The following PAPPA2 variants were observed in gnomAD, a reference collection of about 807,000 sequenced individuals.
PAPPA2 encodes the protein pappalysin-2.
In PAPPA2, 86 loss-of-function variants were observed where a neutral mutation model predicts 176.4. The ratio of observed to expected loss-of-function variants is 0.49; its 90% CI spans 0.41 to 0.58. PAPPA2 has a LOEUF of 0.58. Ranked by LOEUF, PAPPA2 falls within the 20% of genes least tolerant of loss-of-function variation. The pLI is 0.00. For missense variants in PAPPA2, 2,073 were observed against 2,256.9 expected, an observed-to-expected ratio of 0.92 and a Z score of 1.65; for synonymous variants, 809 against 852.2, an observed-to-expected ratio of 0.95 and a Z score of 0.88.
chr1:176,540,697 G>A (rs910331570), intron 1 of PAPPA2, among the ~76,000 whole-genome samples: 8 of 152,294 alleles, frequency 5.3e-5, no homozygotes, highest in African/African-American at 1.9e-4. Context: ...AAAATGTTGA[G>A]TTGAGATGTC....
chr1:176,721,583 A>C (rs1018594459), intron 12 of PAPPA2, among the ~76,000 whole-genome samples: 5 of 152,174 alleles, frequency 3.3e-5, no homozygotes, highest in South Asian at 2.1e-4. Flanking sequence ...TATCCTTTGG[A>C]AGATGTTATC....
At chr1:176,749,368 A>T (rs1026007112) in intron 14 of PAPPA2, among the ~76,000 whole-genome samples, 1 of 152,162 alleles carries the variant, frequency 6.6e-6, no homozygotes, top group Admixed American at 6.5e-5. Flanking sequence ...GATCCCACCC[A>T]TGCCTAGCCA....
At chr1:176,666,569 G>A (rs1029500707) in intron 3 of PAPPA2, among the ~76,000 whole-genome samples, 1,913 of 64,022 alleles carry the variant, frequency 0.03, 51 homozygotes, top group African/African-American at 0.17. Context: ...ATATGTGTGT[G>A]TGTGTGTGTG....
Position 176,845,038 on chromosome 1 carries a change from T to C in PAPPA2, c.*2584T>C, listed in dbSNP as rs1667617317. ...ATAGCTATTCAGAGACAGCAGGTTC[T>C]TCCAGTCTTTGTTCCTGGGACCTGA... is the stretch of plus-strand genomic sequence containing the variant. On this transcript the variant is annotated 3_prime_UTR_variant, in exon 23 of 23. Transcript: ENST00000367662. The C allele has an allele frequency of 6.6e-6, 1 of 152,212 alleles. No individual in the cohort carries two copies. Among genetic ancestry groups the C allele is most frequent in the East Asian group, 1.9e-4 (1 of 5,190 alleles). 9.4% of individuals were successfully genotyped at this position (152,212 alleles called of 1,614,324 possible).
At chr1:176,560,843 C>G (rs1651624662) in intron 2 of PAPPA2, among the ~76,000 whole-genome samples, 1 of 152,182 alleles carries the variant, frequency 6.6e-6, no homozygotes, top group South Asian at 2.1e-4. Context: ...TGAAGTTGCC[C>G]AGCTGAGTAA....
intron 2 of PAPPA2, among the ~76,000 whole-genome samples, chr1:176,568,741 T>C (rs1652134479): frequency 6.6e-6 from 1 of 152,236 alleles, no homozygotes; most frequent in Non-Finnish European, 1.5e-5. Context: ...TCCTGTCTGG[T>C]TGGCCTCTTC....
At position 176,699,425 on chromosome 1, in the gene PAPPA2, C is replaced by T; in HGVS notation, c.3072C>T (p.Thr1024=). Residue 1024 remains threonine (T), a synonymous_variant, in exon 8 of 23, where the codon ACC becomes ACT. Transcript: ENST00000367662. ...AGGTGTCGGGGGTGAAAGTCTACAC[C>T]TTTGATGAGAGGATAGAGATTGATG... is the stretch of plus-strand genomic sequence containing the variant. ...DGKVSGVKVY[T]FDERIEIDAA... 5.6e-6 allele frequency: 9 copies of T among 1,614,138 alleles called. No homozygotes were observed. Among genetic ancestry groups the T allele is most frequent in the Non-Finnish European group, 7.6e-6 (9 of 1,180,020 alleles).
chr1:176,652,183 G>T (rs2102744632), intron 3 of PAPPA2, among the ~76,000 whole-genome samples: 1 of 151,494 alleles, frequency 6.6e-6, no homozygotes, highest in African/African-American at 2.4e-5. Context: ...GCAGGGCGGG[G>T]CAGGGGGATC....
Position 176,769,630 on chromosome 1 carries a change from T to C in PAPPA2, c.4347T>C (p.Ser1449=). The change falls in exon 16 of 23, where the codon TCT becomes TCC. Residue 1449 remains serine (S), a synonymous_variant. Transcript: ENST00000367662. ...AGAAGGAAATTCTGCTCACATGTTC[T>C]TCTGGGCACTGGGACCAGAATGTGA... ...PMQKEILLTC[S]SGHWDQNVSC... The C allele has an allele frequency of 6.2e-7, 1 of 1,613,412 alleles. No homozygotes were observed. Among genetic ancestry groups the C allele is most frequent in the Non-Finnish European group, 8.5e-7 (1 of 1,179,830 alleles).
At chr1:176,616,320 C>T (rs1248503903) in intron 3 of PAPPA2, 12 of 547,488 alleles carry the variant, frequency 2.2e-5, no homozygotes, top group Non-Finnish European at 3.9e-5. Flanking sequence ...GAAGCGCAGC[C>T]GCATTTTAGG....
intron 1 of PAPPA2, among the ~76,000 whole-genome samples, chr1:176,545,574 C>T (rs1218665918): frequency 1.3e-5 from 2 of 151,916 alleles, no homozygotes; most frequent in Non-Finnish European, 2.9e-5. Flanking sequence ...TGTAAGTAAT[C>T]TGGAGATGAT....
chr1:176,485,420 A>G lies in PAPPA2; in HGVS notation c.-917+22002A>G, dbSNP rs1399378208. On this transcript the variant is annotated intron_variant, in intron 1 of 22. Coordinates refer to ENST00000367662, the MANE Select transcript of PAPPA2 (RefSeq NM_020318.3). The stretch of plus-strand genomic sequence containing the variant: ...TATAACTTTTCAGATCTTTGCACCT[A>G]TGCTTCCCTGTGCCTAGAAGCCACA... 2.0e-5 allele frequency among the ~76,000 whole-genome samples: 3 copies of G among 151,990 alleles called. 1 individual carries two copies. Among genetic ancestry groups the G allele is most frequent in the South Asian group, 2.1e-4 (1 of 4,816 alleles).
At chr1:176,631,385 T>A (rs1292762852) in intron 3 of PAPPA2, among the ~76,000 whole-genome samples, 2 of 152,026 alleles carry the variant, frequency 1.3e-5, no homozygotes, top group African/African-American at 4.8e-5. Context: ...CTGGGGAGAA[T>A]GGAAGGATAA....
intron 1 of PAPPA2, among the ~76,000 whole-genome samples, chr1:176,470,768 T>C (rs1426355464): frequency 6.6e-6 from 1 of 152,186 alleles, no homozygotes; most frequent in East Asian, 1.9e-4. Flanking sequence ...CAAGAATACT[T>C]TGTGCTTATC....
At chr1:176,807,787 T>C (rs1665971783) in intron 21 of PAPPA2, among the ~76,000 whole-genome samples, 1 of 152,092 alleles carries the variant, frequency 6.6e-6, no homozygotes, top group African/African-American at 2.4e-5. Flanking sequence ...TGAGCCACCA[T>C]GCAAGGCCAA....
At chr1:176,622,827 A>T (rs1158398879) in intron 3 of PAPPA2, among the ~76,000 whole-genome samples, 1 of 152,198 alleles carries the variant, frequency 6.6e-6, no homozygotes, top group East Asian at 1.9e-4. Flanking sequence ...AATACATTAG[A>T]CTGAGTAATT....
intron 3 of PAPPA2, among the ~76,000 whole-genome samples, chr1:176,654,941 AT>A: frequency 6.6e-6 from 1 of 151,936 alleles, no homozygotes; most frequent in African/African-American, 2.4e-5. Flanking sequence ...GCTTTACTAA[AT>A]TCATTCATCA....
intron 15 of PAPPA2, among the ~76,000 whole-genome samples, chr1:176,767,552 C>T (rs777430949): frequency 7.2e-5 from 11 of 152,110 alleles, no homozygotes; most frequent in South Asian, 2.1e-4. Flanking sequence ...TTCACCATGT[C>T]AGCCAGAATG....
rs549181541 is a variant in PAPPA2 at position 176,756,655 on chromosome 1, T to C, written c.4152-9011T>C. 3.6e-4 allele frequency among the ~76,000 whole-genome samples: 55 copies of C among 152,296 alleles called. 1 individual carries two copies. In the South Asian group the frequency reaches 0.011, roughly 31 times the overall value. ...TTGAAAGAGAGCACTTTTGGCTGTGTAATGTAAATCTGTTTCTCTTCAGAA... is the reference window on the plus strand; with the variant it reads ...TTGAAAGAGAGCACTTTTGGCTGTGCAATGTAAATCTGTTTCTCTTCAGAA... On this transcript the variant is annotated intron_variant, in intron 14 of 22. Transcript: ENST00000367662.
Sources: gnomAD v4.1 joint callset for allele counts (sites outside exome capture counted in the v4.1 genomes callset) on GRCh38, gnomAD v4.1.1 for gene constraint, MANE v1.5 for transcripts, NCBI Gene and HGNC (gene_info 2026-07-23, HGNC 2026-07-21) for gene names.